The following KANSL1L variants were observed in gnomAD, a reference collection of about 807,000 sequenced individuals.
KANSL1L encodes KAT8 regulatory NSL complex subunit 1-like protein.
Under a neutral mutation model 108.6 loss-of-function variants are expected in KANSL1L, and 25 were observed. That is an observed-to-expected ratio of 0.23 (90% confidence interval 0.17 to 0.32). KANSL1L has a LOEUF of 0.32. Ranked by LOEUF, KANSL1L falls within the 10% of genes least tolerant of loss-of-function variation. The pLI is 1.00. For missense variants in KANSL1L, 1,137 were observed against 1,125.7 expected (o/e 1.01, Z -0.14); for synonymous variants, 405 against 395.1 (o/e 1.03, Z -0.30).
At chr2:210,051,779 G>A (rs2094294658) in intron 6 of KANSL1L, among the ~76,000 whole-genome samples, 1 of 152,076 alleles carries the variant, frequency 6.6e-6, no homozygotes, top group Middle Eastern at 3.2e-3. Context: ...GAAATTTCAT[G>A]AGAATCTGTT....
At position 210,104,225 on chromosome 2, in the gene KANSL1L, G is replaced by A. The variant is rs773973499; in HGVS notation, c.1307C>T (p.Ala436Val). Residue 436 changes from alanine to valine, a missense_variant, in exon 4 of 15, where the codon GCT becomes GTT. Ala to Val is a moderately conservative substitution (Grantham distance 64, BLOSUM62 0). Around this residue, in one of 3 missense-constraint regions of KANSL1L, gnomAD observed 556 missense variants for 537.7 expected, o/e 1.03. Transcript: ENST00000281772. ...KKQMQFADQAASLNILGNPQV... is the reference protein window; with the variant it reads ...KKQMQFADQAVSLNILGNPQV... ...AGGATTCCCTAGAATGTTTAGTGAA[G>A]CTGCTTGGTCTGCAAATTGCATTTG... The A allele has an allele frequency of 1.2e-6, 2 of 1,613,822 alleles. No homozygotes were observed. The highest frequency in any genetic ancestry group is 1.7e-6 in the Non-Finnish European group (2 of 1,179,784).
At chr2:210,168,540 T>C (rs1214110346) in intron 1 of KANSL1L, among the ~76,000 whole-genome samples, 1 of 152,056 alleles carries the variant, frequency 6.6e-6, no homozygotes, top group East Asian at 1.9e-4. Flanking sequence ...CAAGTGAAAC[T>C]ACATTGATCA....
At chr2:210,095,129 G>A (rs757203047) in intron 5 of KANSL1L, among the ~76,000 whole-genome samples, 6 of 151,936 alleles carry the variant, frequency 3.9e-5, no homozygotes, top group Admixed American at 1.3e-4. Flanking sequence ...ATTTTTTCCT[G>A]TAATAAGATC....
chr2:210,098,035 T>C (rs778471377), intron 5 of KANSL1L, 51 bp downstream of exon 5: 123 of 1,507,612 alleles, frequency 8.2e-5, no homozygotes, highest in Middle Eastern at 3.6e-4. Context: ...CAAAATAAGA[T>C]AAAATAGGCA....
chr2:210,121,484 G>A (rs1283869494), intron 3 of KANSL1L, among the ~76,000 whole-genome samples: 1 of 152,126 alleles, frequency 6.6e-6, no homozygotes, highest in African/African-American at 2.4e-5. Context: ...AACACACACT[G>A]GGGCCTTTTG....
intron 6 of KANSL1L, among the ~76,000 whole-genome samples, chr2:210,063,206 A>T (rs2094436729): frequency 6.6e-6 from 1 of 152,200 alleles, no homozygotes; most frequent in Admixed American, 6.5e-5. Context: ...TTGAGCCTGC[A>T]AGTGCATAGA....
intron 3 of KANSL1L, among the ~76,000 whole-genome samples, chr2:210,113,202 C>G (rs542992216): frequency 1.3e-5 from 2 of 152,122 alleles, no homozygotes; most frequent in Admixed American, 6.5e-5. Flanking sequence ...AAAGGGCCAG[C>G]ACCCTTTAAA....
chr2:210,170,465 A>T, intron 1 of KANSL1L: 1 of 829,872 alleles, frequency 1.2e-6, no homozygotes. Flanking sequence ...GGTTTCTGAA[A>T]CGGCCAGGAT....
chr2:210,055,115 C>T (rs1419822725), intron 6 of KANSL1L, among the ~76,000 whole-genome samples: 1 of 152,154 alleles, frequency 6.6e-6, no homozygotes, highest in Non-Finnish European at 1.5e-5. Flanking sequence ...GGGTAGTTAC[C>T]CCCATGCTGC....
chr2:210,023,918 C>A (rs1330158237), intron 14 of KANSL1L, 115 bp downstream of exon 14: 1 of 617,418 alleles, frequency 1.6e-6, no homozygotes, highest in Non-Finnish European at 2.7e-6. Context: ...CTATACCTAA[C>A]TTATTGAATT....
chr2:210,101,263 T>A (rs2094791478), intron 4 of KANSL1L, among the ~76,000 whole-genome samples: 1 of 152,212 alleles, frequency 6.6e-6, no homozygotes, highest in South Asian at 2.1e-4. Flanking sequence ...CTTAGTGCTC[T>A]GCTGTCACTG....
chr2:210,126,320 T>C (rs767529154), intron 3 of KANSL1L, among the ~76,000 whole-genome samples: 1 of 152,126 alleles, frequency 6.6e-6, no homozygotes, highest in Non-Finnish European at 1.5e-5. Flanking sequence ...AAAGAAGATA[T>C]AAATAAATGG....
At chr2:210,079,051 A>G (rs768419587) in intron 5 of KANSL1L, among the ~76,000 whole-genome samples, 4 of 152,196 alleles carry the variant, frequency 2.6e-5, no homozygotes, top group Non-Finnish European at 5.9e-5. Context: ...CCTGGGCTCA[A>G]GGGATCCTCC....
At chr2:210,104,849 C>G (rs1371339753) in intron 3 of KANSL1L, among the ~76,000 whole-genome samples, 1 of 152,162 alleles carries the variant, frequency 6.6e-6, no homozygotes, top group Non-Finnish European at 1.5e-5. Context: ...GACTGCACCA[C>G]TGAGAAAAAG....
chr2:210,055,145 G>A (rs987632338), intron 6 of KANSL1L, among the ~76,000 whole-genome samples: 2 of 152,174 alleles, frequency 1.3e-5, no homozygotes, highest in African/African-American at 2.4e-5. Context: ...GAATTCTCAC[G>A]AGATGGTTTT....
At chr2:210,112,843 A>C (rs2094921640) in intron 3 of KANSL1L, among the ~76,000 whole-genome samples, 1 of 152,136 alleles carries the variant, frequency 6.6e-6, no homozygotes, top group Admixed American at 6.5e-5. Context: ...TACTTCAAAA[A>C]TCTGGAGTTT....
chr2:210,141,165 TTTTC>T (rs140171485), intron 2 of KANSL1L, among the ~76,000 whole-genome samples: 20,234 of 57,936 alleles, frequency 0.35, 1,682 homozygotes, highest in East Asian at 0.53. Context: ...CTCCTCTCTG[TTTTC>T]TTTCTTTTCT....
intron 2 of KANSL1L, among the ~76,000 whole-genome samples, chr2:210,133,935 C>T (rs1575593160): frequency 6.6e-6 from 1 of 151,996 alleles, no homozygotes; most frequent in Non-Finnish European, 1.5e-5. Context: ...GCCTGAAGAT[C>T]ATCTTTTAAA....
chr2:210,154,305 T>C lies in KANSL1L; in HGVS notation c.278A>G (p.Asn93Ser), dbSNP rs755045596. Residue 93 changes from asparagine to serine, a missense_variant, in exon 2 of 15, where the codon AAT becomes AGT. Transcript: ENST00000281772. ...TAATTTCTTTTGTTTATAATTCTCA[T>C]TGTGTTTATTTAATGTAGAATTAGA... Reference protein sequence around the residue: ...MRSNSTLNKHNENYKQKKLGE... With the variant: ...MRSNSTLNKHSENYKQKKLGE... 7 of 1,612,738 alleles carry C rather than the reference T, an allele frequency of 4.3e-6. No homozygotes were observed. The South Asian group carries it at 4.4e-5, about 10-fold the overall frequency.
Sources: gnomAD v4.1 joint callset for allele counts (sites outside exome capture counted in the v4.1 genomes callset) on GRCh38, gnomAD v4.1.1 for gene constraint, gnomAD v4.1.1 regional missense constraint, MANE v1.5 for transcripts, NCBI Gene and HGNC (gene_info 2026-07-23, HGNC 2026-07-21) for gene names.